Variants in GTSE1 observed in about 807,000 individuals in gnomAD.
GTSE1 encodes the protein G2 and S phase-expressed protein 1.
A neutral mutation model predicts 60.5 loss-of-function variants in GTSE1; 52 were observed. That is an observed-to-expected ratio of 0.86 (90% confidence interval 0.69 to 1.08). The LOEUF (loss-of-function observed/expected upper bound fraction) is 1.08, where lower values mean the gene tolerates loss of function less well. Ranked by LOEUF, GTSE1 falls within the 50% of genes least tolerant of loss-of-function variation. The probability of loss-of-function intolerance (pLI) is 0.00; values close to 1 mark genes in which losing one functional copy is unlikely to be tolerated. For synonymous variants in GTSE1, 368 were observed against 386.5 expected (o/e 0.95, Z 0.56); for missense variants, 937 against 961.8 (o/e 0.97, Z 0.34).
Position 46,329,102 on chromosome 22 carries a change from G to A in GTSE1, c.1926+213G>A. 1.6e-6 allele frequency: 1 copy of A among 620,844 alleles called. No homozygotes were observed. Among genetic ancestry groups the A allele is most frequent in the Non-Finnish European group, 2.8e-6 (1 of 352,164 alleles). 38.5% of individuals were successfully genotyped at this position (620,844 alleles called of 1,614,324 possible). Reference sequence around the variant, plus strand: ...TGCATTTGACTAAGGCAAGGGTCAGGGATCAAAGCTGAGGAAGCGGGAAGC... The same window carrying A: ...TGCATTTGACTAAGGCAAGGGTCAGAGATCAAAGCTGAGGAAGCGGGAAGC... On this transcript the variant is annotated intron_variant, in intron 10 of 11. Transcript: ENST00000454366. This position sits in a 1 kb window ranked among gnomAD's most constrained non-coding sequence, Gnocchi z 6.4.
chr22:46,328,797 C>A lies in GTSE1; in HGVS notation c.1834C>A (p.Pro612Thr), dbSNP rs1055828745. ...SRVPQALNFS[P>T]EESDSTFSKS... ...TGTGCCTCAGGCACTTAACTTTTCT[C>A]CAGAGGAAAGCGATTCTACTTTCTC... The change falls in exon 10 of 12, where the codon CCA becomes ACA. Residue 612 changes from proline to threonine, a missense_variant. Pro to Thr is a conservative substitution (Grantham distance 38). Coordinates refer to ENST00000454366, the MANE Select transcript of GTSE1 (RefSeq NM_016426.7). The A allele has an allele frequency of 3.7e-6, 6 of 1,613,888 alleles. No individual in the cohort carries two copies. The highest frequency in any genetic ancestry group is 2.2e-5 in the East Asian group (1 of 44,896).
chr22:46,328,563 A>C (rs2077856902), intron 9 of GTSE1, 125 bp from the exon 10 acceptor site: 3 of 671,394 alleles, frequency 4.5e-6, no homozygotes, highest in Admixed American at 2.5e-5. Context: ...TGGAGGGTGA[A>C]GGCCCTAGAG....
Position 46,312,199 on chromosome 22 carries a change from C to T in GTSE1, c.821C>T (p.Ser274Phe), listed in dbSNP as rs1356316477. Residue 274 changes from serine to phenylalanine, a missense_variant, in exon 5 of 12, where the codon TCC becomes TTC. Coordinates refer to ENST00000454366, the MANE Select transcript of GTSE1 (RefSeq NM_016426.7). ...SRTKIPAEKE[S>F]HRDVLPDKPA... is the part of the protein sequence containing the mutation. ...ACAAAAATCCCAGCTGAGAAGGAAT[C>T]CCACCGGGATGTTCTCCCTGACAAA... 1 of 1,613,872 alleles carries T rather than the reference C, an allele frequency of 6.2e-7. No individual in the cohort carries two copies. The highest frequency in any genetic ancestry group is 1.7e-5 in the Admixed American group (1 of 59,982).
Position 46,308,330 on chromosome 22 carries a change from A to T in GTSE1, c.149A>T (p.Asp50Val), listed in dbSNP as rs1248903891. Residue 50 changes from aspartate (D) to valine (V), a missense_variant, in exon 4 of 12, where the codon GAT (aspartate) becomes GTT (valine). Coordinates refer to ENST00000454366, the MANE Select transcript of GTSE1 (RefSeq NM_016426.7). ...TTTTAAACAAATAGTGCAAATGAAG[A>T]TGATGAAGTCTTCTTCGGACCCTTT... ...LSLSSSSANE[D>V]DEVFFGPFGH... is the part of the protein sequence containing the mutation. The T allele has an allele frequency of 6.2e-7, 1 of 1,612,782 alleles. No individual in the cohort carries two copies. Among genetic ancestry groups the T allele is most frequent in the Middle Eastern group, 1.6e-4 (1 of 6,084 alleles).
In GTSE1 at chr22:46,326,580, C is replaced by G; in HGVS notation, c.1650C>G (p.Pro550=). The change falls in exon 9 of 12, where the codon CCC becomes CCG. Residue 550 remains proline, a synonymous_variant. Coordinates refer to ENST00000454366, the MANE Select transcript of GTSE1 (RefSeq NM_016426.7). ...GLPPMTPKTM[P]RAVGSPLCVP... is the part of the protein sequence containing the mutation. ...CACCGATGACCCCCAAAACGATGCC[C>G]AGGGCCGTGGGCTCTCCCCTGTGTG... The G allele has an allele frequency of 6.2e-7, 1 of 1,614,144 alleles. No homozygotes were observed. The highest frequency in any genetic ancestry group is 1.7e-5 in the Admixed American group (1 of 60,022).
At chr22:46,315,005 C>T (rs987524898) in intron 6 of GTSE1, among the ~76,000 whole-genome samples, 3 of 151,976 alleles carry the variant, frequency 2.0e-5, no homozygotes, top group Non-Finnish European at 4.4e-5. Flanking sequence ...CCTCCCACCT[C>T]AGCCTCCTGA....
chr22:46,300,515 C>T (rs1012718055), intron 2 of GTSE1, among the ~76,000 whole-genome samples: 2 of 152,216 alleles, frequency 1.3e-5, no homozygotes, highest in African/African-American at 4.8e-5. Context: ...TTCACCTCTT[C>T]CAGCCACTCT....
At position 46,319,982 on chromosome 22, in the gene GTSE1, C is replaced by CAA. The variant is rs374478660; in HGVS notation, c.1433-3195_1433-3194dup. On this transcript the variant is annotated intron_variant, in intron 7 of 11. Transcript: ENST00000454366. The surrounding 1 kb of genome is among the most constrained non-coding windows in gnomAD (Gnocchi z 5.0). ...CCTGGGCGACAGAACGAGACTGTCTCAAAAAAAAAAAAAAGAAAGAAAGAA... is the reference window on the plus strand; with the variant it reads ...CCTGGGCGACAGAACGAGACTGTCTCAAAAAAAAAAAAAAAAGAAAGAAAGAA... 0.047 allele frequency among the ~76,000 whole-genome samples: 5,446 copies of CAA among 115,318 alleles called. 360 individuals are homozygous for CAA. The highest frequency in any genetic ancestry group is 0.16 in the African/African-American group (5,119 of 32,934). The allele number at this position is 115,318 out of a possible 152,430, so 75.7% of individuals were successfully genotyped here.
chr22:46,297,621 T>G lies in GTSE1; in HGVS notation c.79+142T>G. 1.6e-6 allele frequency: 1 copy of G among 623,036 alleles called. No individual in the cohort carries two copies. The highest frequency in any genetic ancestry group is 2.8e-6 in the Non-Finnish European group (1 of 354,418). The allele number at this position is 623,036 out of a possible 1,614,324, so 38.6% of individuals were successfully genotyped here. ...GTGAAACACATGACATCTGCCTTCGTTTTCTGGTTTTCTTTCACCTCCTCC... is the reference window on the plus strand; with the variant it reads ...GTGAAACACATGACATCTGCCTTCGGTTTCTGGTTTTCTTTCACCTCCTCC... On this transcript the variant is annotated intron_variant, in intron 2 of 11. Transcript: ENST00000454366. This position sits in a 1 kb window ranked among gnomAD's most constrained non-coding sequence, Gnocchi z 4.9.
At chr22:46,327,616 G>A (rs569129810) in intron 9 of GTSE1, among the ~76,000 whole-genome samples, 61 of 151,832 alleles carry the variant, frequency 4.0e-4, no homozygotes, top group African/African-American at 1.4e-3. Context: ...CAGAGGTTGG[G>A]GTGAGCCAAG....
rs150532011 is a variant in GTSE1, at chr22:46,316,053, G to A, written c.1073G>A (p.Ser358Asn). 7.3e-6 allele frequency: 11 copies of A among 1,513,728 alleles called. No homozygotes were observed. The highest frequency in any genetic ancestry group is 9.7e-6 in the Non-Finnish European group (11 of 1,130,334). The allele number at this position is 1,513,728 out of a possible 1,614,324, so 93.8% of individuals were successfully genotyped here. ...CTAGCTAAATCAAGTGAATTTGCAA[G>A]TATTCCTGCAAATAGCTCCCGGCCT... Reference protein sequence around the residue: ...VGKAKSSEFASIPANSSRPLS... With the variant: ...VGKAKSSEFANIPANSSRPLS... The change falls in exon 7 of 12, where the codon AGT becomes AAT. Residue 358 changes from serine (S) to asparagine (N), a missense_variant. By Grantham distance (46) the Ser-to-Asn change is conservative. Coordinates refer to ENST00000454366, the MANE Select transcript of GTSE1 (RefSeq NM_016426.7). This position sits in a 1 kb window ranked among gnomAD's most constrained non-coding sequence, Gnocchi z 5.0.
Position 46,319,628 on chromosome 22 carries a change from G to C in GTSE1, c.1432+3216G>C, listed in dbSNP as rs75104077. On this transcript the variant is annotated intron_variant, in intron 7 of 11. Coordinates refer to ENST00000454366, the MANE Select transcript of GTSE1 (RefSeq NM_016426.7). This position sits in a 1 kb window ranked among gnomAD's most constrained non-coding sequence, Gnocchi z 5.0. ...AGGGGTGGAGCAGGCTGAGAGCTCA[G>C]AGGAGAAGCCACAGCTGGAGACCTC... is the stretch of plus-strand genomic sequence containing the variant. 0.03 allele frequency among the ~76,000 whole-genome samples: 4,524 copies of C among 152,252 alleles called. 232 individuals are homozygous for C. The highest frequency in any genetic ancestry group is 0.1 in the African/African-American group (4,260 of 41,522).
rs1387592289 is a variant in GTSE1 at position 46,330,034 on chromosome 22, T to C, written c.2137-13T>C. 2 of 1,568,334 alleles carry C rather than the reference T, an allele frequency of 1.3e-6. No homozygotes were observed. Among genetic ancestry groups the C allele is most frequent in the South Asian group, 1.1e-5 (1 of 90,158 alleles). ...GGATCCACGCTCACCTCCTCCACTCTGCTCTCTTCCAGCTCATAGACCTGA... is the reference window on the plus strand; with the variant it reads ...GGATCCACGCTCACCTCCTCCACTCCGCTCTCTTCCAGCTCATAGACCTGA... On this transcript the variant is annotated splice_polypyrimidine_tract_variant and intron_variant, in intron 11 of 11. Transcript: ENST00000454366. This position sits in a 1 kb window ranked among gnomAD's most constrained non-coding sequence, Gnocchi z 6.0.
rs569768672 is a variant in GTSE1 at position 46,309,677 on chromosome 22, C to A, written c.762+734C>A. ...TCCTTTACCCCCACCAAGCCCATCTCCTGAGCCACATGACTCCCTGTGGTG... is the reference window on the plus strand; with the variant it reads ...TCCTTTACCCCCACCAAGCCCATCTACTGAGCCACATGACTCCCTGTGGTG... On this transcript the variant is annotated intron_variant, in intron 4 of 11. Coordinates refer to ENST00000454366, the MANE Select transcript of GTSE1 (RefSeq NM_016426.7). The surrounding 1 kb of genome is among the most constrained non-coding windows in gnomAD (Gnocchi z 6.2). Among the ~76,000 whole-genome samples the A allele has an allele frequency of 6.6e-6, 1 of 152,338 alleles. No individual in the cohort carries two copies. The highest frequency in any genetic ancestry group is 1.9e-4 in the East Asian group (1 of 5,178).
rs2077862040 is a variant in GTSE1, at chr22:46,329,248, T to C, written c.1927-110T>C. ...TCCACCAAGGCCCCGCCTGATTCCT[T>C]GGCTTTCCAAACCGCCAGCCCACCT... On this transcript the variant is annotated intron_variant, in intron 10 of 11. Transcript: ENST00000454366. This position sits in a 1 kb window ranked among gnomAD's most constrained non-coding sequence, Gnocchi z 6.4. 1 of 917,512 alleles carries C rather than the reference T, an allele frequency of 1.1e-6. No homozygotes were observed. 56.8% of individuals were successfully genotyped at this position (917,512 alleles called of 1,614,324 possible).
chr22:46,315,065 G>GTTT (rs34334377), intron 6 of GTSE1, among the ~76,000 whole-genome samples: 1 of 137,806 alleles, frequency 7.3e-6, no homozygotes, highest in African/African-American at 2.6e-5. Flanking sequence ...ATTTTTGTGG[G>GTTT]TTTTTTTTTT....
In GTSE1 at chr22:46,309,564, C is replaced by T. The variant is rs1372318185; in HGVS notation, c.762+621C>T. ...GCCCGTTCCCAGCTCTGCCCCCTCC[C>T]CTGGGCAGCACGTACAGAGGAATGA... On this transcript the variant is annotated intron_variant, in intron 4 of 11. Transcript: ENST00000454366. This position sits in a 1 kb window ranked among gnomAD's most constrained non-coding sequence, Gnocchi z 6.2. Among the ~76,000 whole-genome samples the T allele has an allele frequency of 6.6e-6, 1 of 152,162 alleles. No homozygotes were observed. Among genetic ancestry groups the T allele is most frequent in the Non-Finnish European group, 1.5e-5 (1 of 68,014 alleles).
At chr22:46,322,461 C>T (rs1367125790) in intron 7 of GTSE1, among the ~76,000 whole-genome samples, 1 of 152,086 alleles carries the variant, frequency 6.6e-6, no homozygotes, top group Non-Finnish European at 1.5e-5. Context: ...CTTTGGAGGC[C>T]CCAGAGCACA....
chr22:46,323,765 G>C (rs1444227203), intron 8 of GTSE1, among the ~76,000 whole-genome samples: 2 of 152,070 alleles, frequency 1.3e-5, no homozygotes, highest in Non-Finnish European at 2.9e-5. Context: ...TCGGCTCACT[G>C]CAAACTCCAC....
Sources: gnomAD v4.1 joint callset for allele counts (sites outside exome capture counted in the v4.1 genomes callset) on GRCh38, gnomAD v4.1.1 for gene constraint, Gnocchi (gnomAD v3.1) non-coding constraint, MANE v1.5 for transcripts, NCBI Gene and HGNC (gene_info 2026-07-23, HGNC 2026-07-21) for gene names.